Variants in SLC39A11 observed in about 807,000 individuals in gnomAD.
SLC39A11 encodes the protein solute carrier family 39 member 11.
In SLC39A11, 33 loss-of-function variants were observed where a neutral mutation model predicts 36.1. The ratio of observed to expected loss-of-function variants is 0.91; its 90% CI spans 0.69 to 1.22. SLC39A11 has a LOEUF of 1.22. Among genes scored for constraint, SLC39A11 ranks in the 50% most tolerant of loss-of-function variants. The pLI, the probability that SLC39A11 is intolerant of heterozygous loss-of-function variation, is 0.00. For synonymous variants in SLC39A11, 166 were observed against 170.3 expected (o/e 0.97, Z 0.20); for missense variants, 432 against 430.3 (o/e 1.00, Z -0.03).
At chr17:73,037,827 G>A (rs559657181) in intron 3 of SLC39A11, among the ~76,000 whole-genome samples, 2 of 152,230 alleles carry the variant, frequency 1.3e-5, no homozygotes, top group African/African-American at 4.8e-5. Context: ...GGAAGGTTTG[G>A]GTGGGGCCCA....
At chr17:73,050,204 G>C (rs1290290235) in intron 3 of SLC39A11, among the ~76,000 whole-genome samples, 25 of 151,898 alleles carry the variant, frequency 1.6e-4, no homozygotes, top group Non-Finnish European at 4.4e-5. Context: ...GTCAGGGAAG[G>C]CTTCTCTGAG....
At chr17:72,728,818 G>A (rs1014167063) in intron 7 of SLC39A11, among the ~76,000 whole-genome samples, 2 of 152,100 alleles carry the variant, frequency 1.3e-5, no homozygotes, top group Admixed American at 1.3e-4. Context: ...TTCCCTCTCA[G>A]TTCACTCCAC....
intron 7 of SLC39A11, among the ~76,000 whole-genome samples, chr17:72,695,331 G>A (rs2072245564): frequency 6.6e-6 from 1 of 152,204 alleles, no homozygotes; most frequent in African/African-American, 2.4e-5. Context: ...ATGTCCACAT[G>A]CATCTGCTCA....
At chr17:72,716,978 A>T (rs866479779) in intron 7 of SLC39A11, among the ~76,000 whole-genome samples, 1,807 of 118,356 alleles carry the variant, frequency 0.015, 58 homozygotes, top group African/African-American at 0.058. Context: ...CAAAAAAAAA[A>T]AAATATATAT....
At chr17:72,684,559 G>A (rs2071656733) in intron 7 of SLC39A11, among the ~76,000 whole-genome samples, 1 of 152,166 alleles carries the variant, frequency 6.6e-6, no homozygotes, top group Admixed American at 6.5e-5. Flanking sequence ...TAAACCTTGG[G>A]AGGCTTTCAA....
intron 4 of SLC39A11, among the ~76,000 whole-genome samples, chr17:72,977,641 G>C (rs887062842): frequency 2.0e-5 from 3 of 152,144 alleles, no homozygotes; most frequent in Non-Finnish European, 2.9e-5. Flanking sequence ...GCAAAGAGCA[G>C]AGAGAGGGAC....
At chr17:72,948,267 G>A (rs973671793) in intron 4 of SLC39A11, among the ~76,000 whole-genome samples, 51 of 146,980 alleles carry the variant, frequency 3.5e-4, no homozygotes, top group African/African-American at 1.2e-3. Flanking sequence ...AAGCGTCATC[G>A]CCGCACACAT....
intron 7 of SLC39A11, among the ~76,000 whole-genome samples, chr17:72,728,467 G>A (rs1057497487): frequency 4.0e-5 from 6 of 151,514 alleles, no homozygotes; most frequent in South Asian, 2.1e-4. Flanking sequence ...GAAAGGAAAG[G>A]AACAAAGGAA....
At chr17:72,941,722 T>A (rs1306896887) in intron 5 of SLC39A11, among the ~76,000 whole-genome samples, 1 of 152,152 alleles carries the variant, frequency 6.6e-6, no homozygotes, top group Non-Finnish European at 1.5e-5. Context: ...CCTGCACAGA[T>A]CCCTGTCCAA....
In SLC39A11 at chr17:72,928,507, T is replaced by C. The variant is rs772634979; in HGVS notation, c.430+19245A>G. 3.9e-5 allele frequency among the ~76,000 whole-genome samples: 6 copies of C among 152,074 alleles called. No homozygotes were observed. The South Asian group carries it at 8.3e-4, about 21-fold the overall frequency. On this transcript the variant is annotated intron_variant, in intron 5 of 9. Transcript: ENST00000255559. ...TCATATTAAGAAGGTAAGGAAGACA[T>C]GAGAATTTGAATGGAAGAAAACAGA...
chr17:72,884,170 A>T (rs1161255194), intron 5 of SLC39A11, among the ~76,000 whole-genome samples: 2 of 152,170 alleles, frequency 1.3e-5, no homozygotes, highest in Non-Finnish European at 2.9e-5. Flanking sequence ...AAAGAAAGAA[A>T]GAAAGAAAGA....
intron 3 of SLC39A11, among the ~76,000 whole-genome samples, chr17:73,070,360 C>T (rs1484390613): frequency 6.6e-6 from 1 of 152,196 alleles, no homozygotes; most frequent in Non-Finnish European, 1.5e-5. Flanking sequence ...TGCAGCTAGA[C>T]ACCAGAGGTG....
At chr17:72,699,172 T>C (rs1352399518) in intron 7 of SLC39A11, among the ~76,000 whole-genome samples, 3 of 152,046 alleles carry the variant, frequency 2.0e-5, no homozygotes, top group Non-Finnish European at 4.4e-5. Flanking sequence ...CTCTAGACCA[T>C]GGGTGTCCAA....
chr17:72,948,913 G>A (rs1331431781), intron 4 of SLC39A11, among the ~76,000 whole-genome samples: 1 of 152,010 alleles, frequency 6.6e-6, no homozygotes, highest in Non-Finnish European at 1.5e-5. Context: ...TCATCTGGAA[G>A]CCCCAACCCC....
intron 7 of SLC39A11, among the ~76,000 whole-genome samples, chr17:72,700,863 T>G (rs1311903949): frequency 3.9e-5 from 6 of 152,186 alleles, no homozygotes; most frequent in Admixed American, 3.9e-4. Context: ...TCCACTACCA[T>G]GAGAACAGCA....
intron 5 of SLC39A11, among the ~76,000 whole-genome samples, chr17:72,943,359 G>A (rs780202380): frequency 6.6e-6 from 1 of 152,194 alleles, no homozygotes; most frequent in Non-Finnish European, 1.5e-5. Context: ...GCCAGTGACT[G>A]CAGTTCTACA....
chr17:72,947,616 G>A (rs886873698), intron 5 of SLC39A11, 136 bp downstream of exon 5: 16 of 1,281,274 alleles, frequency 1.2e-5, no homozygotes, highest in Non-Finnish European at 1.5e-5. Flanking sequence ...CAGTAGTAGG[G>A]TGAGTGATTC....
At chr17:72,699,064 T>C (rs574812954) in intron 7 of SLC39A11, among the ~76,000 whole-genome samples, 8 of 152,072 alleles carry the variant, frequency 5.3e-5, no homozygotes, top group Non-Finnish European at 1.0e-4. Context: ...CTCCTGACCT[T>C]GTGATCTGCC....
rs190953989 is a variant in SLC39A11 at position 72,898,046 on chromosome 17, C to T, written c.431-48242G>A. On this transcript the variant is annotated intron_variant, in intron 5 of 9. Coordinates refer to ENST00000255559, the MANE Select transcript of SLC39A11 (RefSeq NM_139177.4). ...GGGAGAAACAGGAACAAAGTGTCAC[C>T]AGTAAAGCCCAGGATGAAGAGAAGG... Among the ~76,000 whole-genome samples, 3 of 152,134 alleles carry T rather than the reference C, an allele frequency of 2.0e-5. No individual in the cohort carries two copies. In the East Asian group the frequency reaches 5.8e-4, roughly 29 times the overall value.
Sources: gnomAD v4.1 joint callset for allele counts (sites outside exome capture counted in the v4.1 genomes callset) on GRCh38, gnomAD v4.1.1 for gene constraint, MANE v1.5 for transcripts, NCBI Gene and HGNC (gene_info 2026-07-23, HGNC 2026-07-21) for gene names.